Variants in ABCG8 observed in about 807,000 individuals in gnomAD.
ABCG8 encodes the protein ATP binding cassette subfamily G member 8.
Under a neutral mutation model 71.3 loss-of-function variants are expected in ABCG8, and 81 were observed. That is an observed-to-expected ratio of 1.14 (90% confidence interval 0.95 to 1.37). The LOEUF is 1.37. ABCG8 is among the 40% of genes most tolerant of loss of function. The pLI, the probability that ABCG8 is intolerant of heterozygous loss-of-function variation, is 0.00. For synonymous variants in ABCG8, 451 were observed against 354.7 expected (o/e 1.27, Z -3.05); for missense variants, 1,119 against 866.2 (o/e 1.29, Z -3.66).
Position 43,882,094 on chromosome 2 carries a change from T to C in ABCG8, c.*4181T>C, listed in dbSNP as rs1670146809. On this transcript the variant is annotated 3_prime_UTR_variant, in exon 13 of 13. Transcript: ENST00000272286. ...CTCCAATTTCAAGTTATGCTATTGG[T>C]GGGGAATTTTAATTAAACAGAAAAT... The C allele has an allele frequency of 6.6e-6, 1 of 152,186 alleles. No individual in the cohort carries two copies. The highest frequency in any genetic ancestry group is 1.5e-5 in the Non-Finnish European group (1 of 68,024). The allele number at this position is 152,186 out of a possible 1,614,324, so 9.4% of individuals were successfully genotyped here.
chr2:43,866,668 A>T (rs1310326252), intron 6 of ABCG8, among the ~76,000 whole-genome samples: 3 of 152,120 alleles, frequency 2.0e-5, no homozygotes, highest in Non-Finnish European at 4.4e-5. Flanking sequence ...ACCAGTTAGA[A>T]TGGCAATCAT....
chr2:43,859,925 TTATC>T (rs1669246821), intron 6 of ABCG8, among the ~76,000 whole-genome samples: 1 of 141,570 alleles, frequency 7.1e-6, no homozygotes, highest in Non-Finnish European at 1.6e-5. Context: ...AGATCTCTCA[TTATC>T]TGTCTGGAGA....
At chr2:43,860,024 G>T (rs1255844128) in intron 6 of ABCG8, among the ~76,000 whole-genome samples, 2 of 151,256 alleles carry the variant, frequency 1.3e-5, no homozygotes, top group Non-Finnish European at 3.0e-5. Flanking sequence ...TATCTGGATA[G>T]AATTATCATC....
chr2:43,865,123 G>A (rs1373679525), intron 6 of ABCG8, among the ~76,000 whole-genome samples: 1 of 151,798 alleles, frequency 6.6e-6, no homozygotes, highest in African/African-American at 2.4e-5. Context: ...TGTCTGGATA[G>A]AATTCTCAGC....
chr2:43,874,652 A>G (rs1211600211), intron 10 of ABCG8, among the ~76,000 whole-genome samples, 169 bp downstream of exon 10: 1 of 152,158 alleles, frequency 6.6e-6, no homozygotes, highest in African/African-American at 2.4e-5. Context: ...AGAGACTTGA[A>G]CTTTTATTTT....
At chr2:43,854,156 C>T (rs545691980) in intron 6 of ABCG8, among the ~76,000 whole-genome samples, 2 of 152,346 alleles carry the variant, frequency 1.3e-5, no homozygotes, top group African/African-American at 4.8e-5. Context: ...CTGGAAGGGG[C>T]TCTGGCCTGC....
intron 3 of ABCG8, 36 bp downstream of exon 3, chr2:43,846,347 C>T (rs759089837): frequency 1.1e-5 from 17 of 1,613,690 alleles, no homozygotes; most frequent in Non-Finnish European, 1.4e-5. Flanking sequence ...AATGGTTTCT[C>T]TCCTGGGATA....
rs948186748 is a variant in ABCG8, at chr2:43,872,154, A to C, written c.1127+16A>C. On this transcript the variant is annotated intron_variant, in intron 7 of 12. Coordinates refer to ENST00000272286, the MANE Select transcript of ABCG8 (RefSeq NM_022437.3). ...GTGTGGAAAGGTAAGGTGGCAGGCG[A>C]CTCTGAGAGGAGAGCTCCCTGCAGA... 1.2e-6 allele frequency: 2 copies of C among 1,613,798 alleles called. No homozygotes were observed. The highest frequency in any genetic ancestry group is 1.3e-5 in the African/African-American group (1 of 74,868).
intron 11 of ABCG8, among the ~76,000 whole-genome samples, chr2:43,877,282 A>G (rs1411291181): frequency 6.6e-6 from 1 of 150,688 alleles, no homozygotes; most frequent in African/African-American, 2.5e-5. Context: ...ATATGGGGAG[A>G]CTGTGGGAAT....
intron 3 of ABCG8, among the ~76,000 whole-genome samples, chr2:43,851,194 T>C (rs1401177994): frequency 6.6e-6 from 1 of 152,168 alleles, no homozygotes; most frequent in Admixed American, 6.5e-5. Context: ...CCAAAAATAG[T>C]TATGTTAACA....
chr2:43,874,243 A>G (rs1669880726), intron 9 of ABCG8, among the ~76,000 whole-genome samples, 164 bp from the exon 10 acceptor site: 1 of 152,202 alleles, frequency 6.6e-6, no homozygotes, highest in Non-Finnish European at 1.5e-5. Flanking sequence ...AGCCTCATCA[A>G]ACATCTAAAT....
At chr2:43,865,092 C>A (rs1208765683) in intron 6 of ABCG8, among the ~76,000 whole-genome samples, 1 of 151,886 alleles carries the variant, frequency 6.6e-6, no homozygotes, top group Non-Finnish European at 1.5e-5. Flanking sequence ...AGAATTCTCA[C>A]CCTCTGGATA....
Position 43,872,306 on chromosome 2 carries a change from G to A in ABCG8, c.1211G>A (p.Arg404His), listed in dbSNP as rs770410308. Residue 404 changes from arginine to histidine, a missense_variant and splice_region_variant, in exon 8 of 13, where the codon CGT becomes CAT. Arg to His is a conservative substitution (Grantham distance 29). Transcript: ENST00000272286. ...GAVQQFTTLIRRQISNDFRDL... is the reference protein window; with the variant it reads ...GAVQQFTTLIHRQISNDFRDL... ...GTGCAGCAGTTTACGACGCTGATCCGGTAATTATCTGTCATTTTATTACTG... is the reference window on the plus strand; with the variant it reads ...GTGCAGCAGTTTACGACGCTGATCCAGTAATTATCTGTCATTTTATTACTG... The A allele has an allele frequency of 1.5e-5, 25 of 1,613,138 alleles. No individual in the cohort carries two copies. In the South Asian group the frequency reaches 2.1e-4, roughly 13 times the overall value.
At chr2:43,860,262 C>T (rs997596706) in intron 6 of ABCG8, among the ~76,000 whole-genome samples, 3 of 151,022 alleles carry the variant, frequency 2.0e-5, no homozygotes, top group Admixed American at 6.6e-5. Context: ...ATAGAACTCT[C>T]ACTATCTGGA....
chr2:43,877,861 T>A lies in ABCG8; in HGVS notation c.1970T>A (p.Leu657Gln). 1 of 1,614,146 alleles carries A rather than the reference T, an allele frequency of 6.2e-7. No homozygotes were observed. The highest frequency in any genetic ancestry group is 8.5e-7 in the Non-Finnish European group (1 of 1,180,032). ...VIGLSGGFMV[L>Q]YYVSLRFIKQ... ...GGCCTCAGCGGTGGCTTCATGGTCC[T>A]GTACTACGTGTCCTTAAGGTTCATC... The change falls in exon 13 of 13, where the codon CTG (leucine) becomes CAG (glutamine). Residue 657 changes from leucine (L) to glutamine (Q), a missense_variant. By Grantham distance (113) the Leu-to-Gln change is moderately radical. Coordinates refer to ENST00000272286, the MANE Select transcript of ABCG8 (RefSeq NM_022437.3).
rs773824087 is a variant in ABCG8 at position 43,852,841 on chromosome 2, C to T, written c.937C>T (p.Arg313Cys). Residue 313 changes from arginine (R) to cysteine (C), a missense_variant, in exon 6 of 13, where the codon CGC becomes TGC. Arg to Cys is a radical substitution (Grantham distance 180). Coordinates refer to ENST00000272286, the MANE Select transcript of ABCG8 (RefSeq NM_022437.3). ...YFTAIGYPCPRYSNPADFYVD... is the reference protein window; with the variant it reads ...YFTAIGYPCPCYSNPADFYVD... ...CACAGCCATCGGCTACCCCTGTCCT[C>T]GCTACAGCAATCCTGCTGACTTCTA... 1.9e-6 allele frequency: 3 copies of T among 1,614,146 alleles called. No individual in the cohort carries two copies. The highest frequency in any genetic ancestry group is 1.1e-5 in the South Asian group (1 of 91,078).
At chr2:43,862,807 T>C (rs1669374156) in intron 6 of ABCG8, among the ~76,000 whole-genome samples, 3 of 149,598 alleles carry the variant, frequency 2.0e-5, no homozygotes, top group South Asian at 4.3e-4. Flanking sequence ...AGAATTCTGA[T>C]AATCTGGTTA....
rs1209143268 is a variant in ABCG8 at position 43,877,840 on chromosome 2, T to G, written c.1949T>G (p.Leu650Arg). The change falls in exon 13 of 13, where the codon CTC becomes CGC. Residue 650 changes from leucine (L) to arginine (R), a missense_variant. Leu to Arg is a moderately radical substitution (Grantham distance 102). Coordinates refer to ENST00000272286, the MANE Select transcript of ABCG8 (RefSeq NM_022437.3). ...LYAIYLIVIG[L>R]SGGFMVLYYV... ...GCCATCTACCTCATCGTCATTGGCC[T>G]CAGCGGTGGCTTCATGGTCCTGTAC... is the stretch of plus-strand genomic sequence containing the variant. 1.2e-6 allele frequency: 2 copies of G among 1,614,158 alleles called. No homozygotes were observed. The highest frequency in any genetic ancestry group is 4.5e-5 in the East Asian group (2 of 44,878).
chr2:43,857,780 A>G (rs1669164571), intron 6 of ABCG8, among the ~76,000 whole-genome samples: 1 of 151,750 alleles, frequency 6.6e-6, no homozygotes, highest in South Asian at 2.1e-4. Flanking sequence ...ATCTATCTGG[A>G]TATAATTCCC....
Sources: gnomAD v4.1 joint callset for allele counts (sites outside exome capture counted in the v4.1 genomes callset) on GRCh38, gnomAD v4.1.1 for gene constraint, MANE v1.5 for transcripts, NCBI Gene and HGNC (gene_info 2026-07-23, HGNC 2026-07-21) for gene names.